STPG2: variants seen among roughly 807,000 people sequenced by gnomAD.
STPG2 encodes sperm-tail PG-rich repeat-containing protein 2.
In STPG2, 56 loss-of-function variants were observed where a neutral mutation model predicts 54.2. That is an observed-to-expected ratio of 1.03 (90% confidence interval 0.83 to 1.29). The LOEUF (loss-of-function observed/expected upper bound fraction) is 1.29, where lower values mean the gene tolerates loss of function less well. Among genes scored for constraint, STPG2 ranks in the 50% most tolerant of loss-of-function variants. STPG2 has a pLI of 0.00. For missense variants in STPG2, 596 were observed against 544.9 expected (o/e 1.09, Z -0.93); for synonymous variants, 200 against 181.8 (o/e 1.10, Z -0.81).
intron 4 of STPG2, among the ~76,000 whole-genome samples, chr4:97,487,858 G>T (rs1447508136): frequency 6.6e-6 from 1 of 151,242 alleles, no homozygotes; most frequent in Non-Finnish European, 1.5e-5. Flanking sequence ...CAATTTATAG[G>T]AAAGTTTTTT....
At chr4:97,450,463 T>C (rs1729337087) in intron 4 of STPG2, among the ~76,000 whole-genome samples, 1 of 152,100 alleles carries the variant, frequency 6.6e-6, no homozygotes. Context: ...AAGAGGTACA[T>C]GGAGACAAAA....
At chr4:97,740,240 C>T (rs910256420) in intron 9 of STPG2, among the ~76,000 whole-genome samples, 2 of 152,236 alleles carry the variant, frequency 1.3e-5, no homozygotes, top group African/African-American at 4.8e-5. Context: ...ATCTATGACA[C>T]ACCCACAGCC....
chr4:97,911,876 T>G (rs1486097915), intron 8 of STPG2, among the ~76,000 whole-genome samples: 2 of 151,990 alleles, frequency 1.3e-5, no homozygotes, highest in Admixed American at 6.5e-5. Flanking sequence ...AATCCCGTTC[T>G]TCCCGACTGG....
At chr4:97,728,912 T>C (rs2149024321) in intron 9 of STPG2, among the ~76,000 whole-genome samples, 1 of 151,954 alleles carries the variant, frequency 6.6e-6, no homozygotes, top group Admixed American at 6.6e-5. Flanking sequence ...CATGTGTGTG[T>C]GTGAGAGAAA....
At chr4:97,810,860 C>T (rs745617088) in intron 9 of STPG2, among the ~76,000 whole-genome samples, 1 of 152,122 alleles carries the variant, frequency 6.6e-6, no homozygotes, top group African/African-American at 2.4e-5. Flanking sequence ...AAACCAGGTA[C>T]TTAAAACCAT....
chr4:98,142,430 C>A (rs1740322710), intron 1 of STPG2, among the ~76,000 whole-genome samples: 1 of 151,954 alleles, frequency 6.6e-6, no homozygotes, highest in African/African-American at 2.4e-5. Flanking sequence ...TGCAAACAAA[C>A]GAGGAGAGCA....
At chr4:97,636,679 A>C (rs1721546693) in intron 10 of STPG2, among the ~76,000 whole-genome samples, 1 of 152,208 alleles carries the variant, frequency 6.6e-6, no homozygotes, top group Non-Finnish European at 1.5e-5. Flanking sequence ...AATCCCACAG[A>C]AATACAAACT....
At chr4:98,059,729 T>C (rs551503562) in intron 5 of STPG2, among the ~76,000 whole-genome samples, 1 of 151,820 alleles carries the variant, frequency 6.6e-6, no homozygotes, top group Admixed American at 6.6e-5. Flanking sequence ...TCAAATAGGC[T>C]TCATCCCCAG....
rs184304011 is a variant in STPG2 at position 97,483,603 on chromosome 4, T to C, written c.462+229096A>G. Among the ~76,000 whole-genome samples the C allele has an allele frequency of 3.6e-3, 532 of 148,674 alleles. 4 individuals carry two copies. Among genetic ancestry groups the C allele is most frequent in the African/African-American group, 0.012 (506 of 40,836 alleles). On this transcript the variant is annotated intron_variant, in intron 4 of 4. Coordinates refer to the STPG2 transcript ENST00000522676. ...ATACTACTAGACCTAAGAAATGAGATAGACAGCAACACAATAGTAGTGGGG... is the reference window on the plus strand; with the variant it reads ...ATACTACTAGACCTAAGAAATGAGACAGACAGCAACACAATAGTAGTGGGG...
intron 10 of STPG2, among the ~76,000 whole-genome samples, chr4:97,581,520 T>A (rs1314210424): frequency 6.6e-6 from 1 of 152,126 alleles, no homozygotes; most frequent in Non-Finnish European, 1.5e-5. Context: ...TGATGATAGT[T>A]ACATGTAAGT....
intron 9 of STPG2, among the ~76,000 whole-genome samples, chr4:97,801,730 C>CT (rs961920459): frequency 1.1e-4 from 16 of 151,070 alleles, no homozygotes; most frequent in Non-Finnish European, 1.6e-4. Context: ...TCTCACATTC[C>CT]TTTTTTTTTA....
chr4:97,900,814 C>T (rs1731147714), intron 8 of STPG2, among the ~76,000 whole-genome samples: 1 of 151,952 alleles, frequency 6.6e-6, no homozygotes, highest in Non-Finnish European at 1.5e-5. Context: ...GAAAAGATAA[C>T]TGTTGGGTAT....
intron 8 of STPG2, among the ~76,000 whole-genome samples, chr4:97,938,808 G>A (rs1732861179): frequency 6.6e-6 from 1 of 151,920 alleles, no homozygotes. Context: ...CCTGATGAGA[G>A]AACCTGGATA....
intron 3 of STPG2, among the ~76,000 whole-genome samples, chr4:98,124,433 T>G (rs1739773965): frequency 6.6e-6 from 1 of 152,206 alleles, no homozygotes; most frequent in Non-Finnish European, 1.5e-5. Context: ...CCTTCACTTA[T>G]GAAGCTTAGT....
chr4:97,837,245 C>A (rs563022), intron 9 of STPG2, among the ~76,000 whole-genome samples: 24,309 of 151,442 alleles, frequency 0.16, 2,084 homozygotes, highest in East Asian at 0.36. Context: ...AAGCAGAATT[C>A]TAGGGTCAAA....
intron 8 of STPG2, among the ~76,000 whole-genome samples, chr4:97,894,011 ATAACAACAAAGTAGC>A (rs1409614799): frequency 2.6e-5 from 4 of 152,060 alleles, no homozygotes; most frequent in African/African-American, 9.7e-5. Flanking sequence ...TTCCGTGCCA[ATAACAACAAAGTAGC>A]TATTCAATTA....
intron 1 of STPG2, among the ~76,000 whole-genome samples, chr4:98,139,664 C>T (rs563342262): frequency 6.6e-6 from 1 of 152,094 alleles, no homozygotes; most frequent in Admixed American, 6.6e-5. Flanking sequence ...TCAGCATATT[C>T]TTAGTATTGC....
chr4:97,685,219 T>C (rs186869287), intron 10 of STPG2, among the ~76,000 whole-genome samples: 15 of 152,216 alleles, frequency 9.9e-5, no homozygotes, highest in Admixed American at 3.9e-4. Flanking sequence ...CACTTGTATT[T>C]ACCCAAATAA....
At chr4:97,883,439 T>C (rs1730451950) in intron 8 of STPG2, among the ~76,000 whole-genome samples, 1 of 151,336 alleles carries the variant, frequency 6.6e-6, no homozygotes. Context: ...TCAGATACAG[T>C]TATGACCCAG....
Sources: allele counts gnomAD v4.1 joint callset (sites outside exome capture counted in the v4.1 genomes callset), GRCh38; gene constraint gnomAD v4.1.1; transcripts MANE v1.5; gene names NCBI Gene and HGNC (gene_info 2026-07-23, HGNC 2026-07-21).